Variants in KLHL29 observed in about 807,000 individuals in gnomAD.
KLHL29 encodes the protein kelch like family member 29, also known as kelch-like protein 29.
In KLHL29, 21 loss-of-function variants were observed where a neutral mutation model predicts 80.4. That is an observed-to-expected ratio of 0.26 (90% CI 0.19 to 0.38). The LOEUF (loss-of-function observed/expected upper bound fraction) is 0.38. Ranked by LOEUF, KLHL29 falls within the 10% of genes least tolerant of loss-of-function variation. KLHL29 has a pLI of 1.00. For missense variants in KLHL29, 867 were observed against 1,223.9 expected (o/e 0.71, Z 4.35); for synonymous variants, 511 against 526.8 (o/e 0.97, Z 0.41).
chr2:23,478,480 G>T (rs902767635), intron 2 of KLHL29, among the ~76,000 whole-genome samples: 1 of 152,198 alleles, frequency 6.6e-6, no homozygotes, highest in African/African-American at 2.4e-5. Flanking sequence ...CATGTGTGGA[G>T]GGCTGCGCTC....
chr2:23,634,311 C>T (rs1669551551), intron 3 of KLHL29, among the ~76,000 whole-genome samples: 1 of 152,190 alleles, frequency 6.6e-6, no homozygotes, highest in Non-Finnish European at 1.5e-5. Flanking sequence ...AGGAAAGGCC[C>T]ATGTGCACCC....
chr2:23,574,157 C>T (rs1458487428), intron 3 of KLHL29, among the ~76,000 whole-genome samples: 1 of 152,136 alleles, frequency 6.6e-6, no homozygotes, highest in East Asian at 1.9e-4. Context: ...AGCTCAGCGC[C>T]ACTTTGGAGG....
At chr2:23,385,857 C>T (rs1372700963) in intron 1 of KLHL29, 77 bp downstream of exon 1, 4 of 151,738 alleles carry the variant, frequency 2.6e-5, no homozygotes, top group African/African-American at 7.3e-5. Flanking sequence ...CGCGTGGGGC[C>T]GGGCCGGGCC....
Position 23,406,332 on chromosome 2 carries a change from AAAAAAAAAAAAG to A in KLHL29, c.-154+20557_-154+20568del, listed in dbSNP as rs529750954. Among the ~76,000 whole-genome samples the A allele has an allele frequency of 7.7e-3, 1,094 of 141,474 alleles. 4 individuals carry two copies. Among genetic ancestry groups the A allele is most frequent in the Non-Finnish European group, 9.9e-3 (642 of 64,702 alleles). The allele number at this position is 141,474 out of a possible 152,430, so 92.8% of individuals were successfully genotyped here. A position where few individuals can be genotyped will look rare whatever the true frequency, so the allele number is the denominator to read the frequency against. On this transcript the variant is annotated intron_variant, in intron 1 of 13. Transcript: ENST00000486442. ...GACAAAGCAAGACTCCATCTCAAAAAAAAAAAAAAAAGAAAAGAAAACACACATATTATCTAG... is the reference window on the plus strand; with the variant it reads ...GACAAAGCAAGACTCCATCTCAAAAAAAAAGAAAACACACATATTATCTAG...
At chr2:23,532,997 C>T (rs1039219114) in intron 2 of KLHL29, among the ~76,000 whole-genome samples, 7 of 152,280 alleles carry the variant, frequency 4.6e-5, no homozygotes, top group South Asian at 2.1e-4. Flanking sequence ...CTGCAACTCA[C>T]AGGCCCCCAA....
intron 2 of KLHL29, among the ~76,000 whole-genome samples, chr2:23,537,645 GA>G (rs1388724125): frequency 6.6e-6 from 1 of 152,170 alleles, no homozygotes; most frequent in Admixed American, 6.5e-5. Flanking sequence ...AAGGAAGTAG[GA>G]GGCCCCATCT....
intron 3 of KLHL29, among the ~76,000 whole-genome samples, chr2:23,587,862 C>T (rs1043652180): frequency 6.6e-6 from 1 of 152,110 alleles, no homozygotes; most frequent in African/African-American, 2.4e-5. Context: ...GACGCATGGG[C>T]AGGGAAAGTG....
At chr2:23,424,237 A>G (rs1026963011) in intron 1 of KLHL29, among the ~76,000 whole-genome samples, 3 of 152,192 alleles carry the variant, frequency 2.0e-5, no homozygotes, top group Non-Finnish European at 4.4e-5. Context: ...TTCCTTACAT[A>G]GTTTCCCCTA....
At chr2:23,421,523 ATTGTGTGT>A (rs1245670327) in intron 1 of KLHL29, among the ~76,000 whole-genome samples, 3 of 116,186 alleles carry the variant, frequency 2.6e-5, no homozygotes, top group Middle Eastern at 8.9e-3. Flanking sequence ...TTTAGACAAG[ATTGTGTGT>A]GTGTGTGTGT....
chr2:23,699,394 C>T (rs531764223), intron 11 of KLHL29, among the ~76,000 whole-genome samples: 12 of 152,302 alleles, frequency 7.9e-5, no homozygotes, highest in African/African-American at 2.9e-4. Flanking sequence ...AGATGTGTCC[C>T]CTGCTGGGAG....
Position 23,682,174 on chromosome 2 carries a change from C to G in KLHL29, c.941-2225C>G, listed in dbSNP as rs187570899. On this transcript the variant is annotated intron_variant, in intron 5 of 13. Coordinates refer to ENST00000486442, the MANE Select transcript of KLHL29 (RefSeq NM_052920.2). The surrounding 1 kb of genome is among the most constrained non-coding windows in gnomAD (Gnocchi z 4.1). ...GGTCCACACGCTCCTGTTTCTCTGTCCTGCTGTTGCTGTGTAATTCCGGCC... is the reference window on the plus strand; with the variant it reads ...GGTCCACACGCTCCTGTTTCTCTGTGCTGCTGTTGCTGTGTAATTCCGGCC... Among the ~76,000 whole-genome samples, 5 of 152,338 alleles carry G rather than the reference C, an allele frequency of 3.3e-5. No homozygotes were observed. Among genetic ancestry groups the G allele is most frequent in the Non-Finnish European group, 5.9e-5 (4 of 68,034 alleles).
rs756575198 is a variant in KLHL29, at chr2:23,564,740, A to G, written c.285+2259A>G. Among the ~76,000 whole-genome samples, 75 of 152,212 alleles carry G rather than the reference A, an allele frequency of 4.9e-4. 1 individual carries two copies. The highest frequency in any genetic ancestry group is 8.4e-4 in the Non-Finnish European group (57 of 68,034). ...CAGGTATTTGCGGTTTCCCCGGTCA[A>G]CAATGTGGGTCTTTACTGAGCAGGC... is the stretch of plus-strand genomic sequence containing the variant. On this transcript the variant is annotated intron_variant, in intron 3 of 13. Coordinates refer to ENST00000486442, the MANE Select transcript of KLHL29 (RefSeq NM_052920.2).
At chr2:23,627,506 G>A (rs1195762509) in intron 3 of KLHL29, among the ~76,000 whole-genome samples, 1 of 152,216 alleles carries the variant, frequency 6.6e-6, no homozygotes, top group East Asian at 1.9e-4. Flanking sequence ...CTACCGTCCT[G>A]AGACCCACAC....
At chr2:23,449,693 A>G (rs1663812297) in intron 1 of KLHL29, among the ~76,000 whole-genome samples, 1 of 152,174 alleles carries the variant, frequency 6.6e-6, no homozygotes, top group Non-Finnish European at 1.5e-5. Context: ...AGGGTACCTC[A>G]AAGTTGCCCT....
intron 1 of KLHL29, among the ~76,000 whole-genome samples, chr2:23,398,662 C>A (rs1666514205): frequency 6.6e-6 from 1 of 152,184 alleles, no homozygotes; most frequent in South Asian, 2.1e-4. Flanking sequence ...AGCCCTTGGG[C>A]CATGTCTCTT....
At chr2:23,549,181 G>A (rs148498282) in intron 2 of KLHL29, among the ~76,000 whole-genome samples, 294 of 152,368 alleles carry the variant, frequency 1.9e-3, no homozygotes, top group African/African-American at 6.8e-3. Flanking sequence ...CCCCAGCGGG[G>A]TGTGGTGCTC....
chr2:23,434,659 T>A (rs145717548), intron 1 of KLHL29, among the ~76,000 whole-genome samples: 8 of 152,342 alleles, frequency 5.3e-5, no homozygotes, highest in African/African-American at 1.7e-4. Context: ...ATACATTTTC[T>A]ACAAAAGAAC....
intron 2 of KLHL29, among the ~76,000 whole-genome samples, chr2:23,507,646 A>G (rs1248699582): frequency 6.6e-6 from 1 of 152,136 alleles, no homozygotes; most frequent in Non-Finnish European, 1.5e-5. Context: ...TCAAGCCTAG[A>G]TAGGGACCCA....
intron 2 of KLHL29, among the ~76,000 whole-genome samples, chr2:23,491,943 C>T (rs911820335): frequency 6.6e-5 from 10 of 152,286 alleles, no homozygotes; most frequent in African/African-American, 2.4e-4. Context: ...CCATCCCTCC[C>T]ACTCGTCCTT....
Sources: gnomAD v4.1 joint callset for allele counts (sites outside exome capture counted in the v4.1 genomes callset) on GRCh38, gnomAD v4.1.1 for gene constraint, Gnocchi (gnomAD v3.1) non-coding constraint, MANE v1.5 for transcripts, NCBI Gene and HGNC (gene_info 2026-07-23, HGNC 2026-07-21) for gene names.